Variants in PAWR observed in about 807,000 individuals in gnomAD.
PAWR encodes the protein PRKC apoptosis WT1 regulator protein.
Under a neutral mutation model 32.0 loss-of-function variants are expected in PAWR, and 23 were observed. The ratio of observed to expected loss-of-function variants is 0.72; its 90% CI spans 0.52 to 1.02. PAWR has a LOEUF of 1.02. Ranked by LOEUF, PAWR falls within the 50% of genes least tolerant of loss-of-function variation. The pLI is 0.00. For missense variants in PAWR, 457 were observed against 437.7 expected (o/e 1.04, Z -0.39); for synonymous variants, 226 against 187.1 (o/e 1.21, Z -1.70).
At chr12:79,630,172 T>C (rs773653908) in intron 2 of PAWR, among the ~76,000 whole-genome samples, 49 of 151,550 alleles carry the variant, frequency 3.2e-4, no homozygotes, top group Non-Finnish European at 3.4e-4. Context: ...TTAGAAGTAA[T>C]AGATAAAATT....
In PAWR at chr12:79,590,774, G is replaced by C. The variant is rs558923016; in HGVS notation, c.*1833C>G. On this transcript the variant is annotated 3_prime_UTR_variant, in exon 7 of 7. Transcript: ENST00000328827. ...GCCTGGCATACCACCCTGTCATGTG[G>C]GCAGATCACTGTTCCCATGCTGGGT... The C allele has an allele frequency of 8.5e-5, 13 of 152,284 alleles. 1 individual carries two copies. In the South Asian group the frequency reaches 2.3e-3, roughly 27 times the overall value. 9.4% of individuals were successfully genotyped at this position (152,284 alleles called of 1,614,324 possible). A position where few individuals can be genotyped will look rare whatever the true frequency, so the allele number is the denominator to read the frequency against.
At chr12:79,669,961 A>C (rs1452610940) in intron 2 of PAWR, among the ~76,000 whole-genome samples, 1 of 152,136 alleles carries the variant, frequency 6.6e-6, no homozygotes, top group African/African-American at 2.4e-5. Context: ...TCCACCTCCC[A>C]AAGTACTGGA....
In PAWR at chr12:79,586,002, C is replaced by T. The variant is rs1873375494; in HGVS notation, c.*6605G>A. On this transcript the variant is annotated 3_prime_UTR_variant, in exon 7 of 7. Transcript: ENST00000328827. ...ACAAGAAACAAGATGCACTTTTAGGCCTCCTATAATCCTGCATTTCCAAAG... is the reference window on the plus strand; with the variant it reads ...ACAAGAAACAAGATGCACTTTTAGGTCTCCTATAATCCTGCATTTCCAAAG... The T allele has an allele frequency of 6.6e-6, 1 of 152,168 alleles. No homozygotes were observed. Among genetic ancestry groups the T allele is most frequent in the African/African-American group, 2.4e-5 (1 of 41,448 alleles). The allele number at this position is 152,168 out of a possible 1,614,324, so 9.4% of individuals were successfully genotyped here. A position where few individuals can be genotyped will look rare whatever the true frequency, so the allele number is the denominator to read the frequency against.
chr12:79,609,298 G>A (rs545856858), intron 4 of PAWR, among the ~76,000 whole-genome samples: 1 of 152,152 alleles, frequency 6.6e-6, no homozygotes, highest in Non-Finnish European at 1.5e-5. Context: ...CAGCTTGTGG[G>A]TTAATACGAA....
At chr12:79,673,128 G>T (rs1254745302) in intron 2 of PAWR, among the ~76,000 whole-genome samples, 1 of 152,028 alleles carries the variant, frequency 6.6e-6, no homozygotes, top group Non-Finnish European at 1.5e-5. Context: ...GGAGTGCAGT[G>T]GTGTGATCTT....
At chr12:79,660,279 T>C (rs1368043972) in intron 2 of PAWR, among the ~76,000 whole-genome samples, 2 of 152,180 alleles carry the variant, frequency 1.3e-5, no homozygotes, top group Non-Finnish European at 2.9e-5. Flanking sequence ...GCAATCTTCA[T>C]AGTGGCACTG....
At chr12:79,680,023 A>G (rs575767697) in intron 2 of PAWR, among the ~76,000 whole-genome samples, 1 of 152,302 alleles carries the variant, frequency 6.6e-6, no homozygotes, top group East Asian at 1.9e-4. Context: ...CGTTTTACAT[A>G]TTTTAGACAG....
rs527236540 is a variant in PAWR, at chr12:79,588,711, C to T, written c.*3896G>A. 9 of 152,054 alleles carry T rather than the reference C, an allele frequency of 5.9e-5. No individual in the cohort carries two copies. The highest frequency in any genetic ancestry group is 3.4e-3 in the Middle Eastern group (1 of 294). 9.4% of individuals were successfully genotyped at this position (152,054 alleles called of 1,614,324 possible). A position where few individuals can be genotyped will look rare whatever the true frequency, so the allele number is the denominator to read the frequency against. The stretch of plus-strand genomic sequence containing the variant: ...ACACCTGTAATAGTATTTAATACAG[C>T]TCCCACATACTATATTCCTCTCACA... On this transcript the variant is annotated 3_prime_UTR_variant, in exon 7 of 7. Coordinates refer to ENST00000328827, the MANE Select transcript of PAWR (RefSeq NM_002583.4).
chr12:79,690,227 G>T lies in PAWR; in HGVS notation c.18C>A (p.Tyr6Ter). The change falls in exon 2 of 7, where the codon TAC becomes TAA. Residue 6 changes from tyrosine to a stop codon, truncating the protein, a stop_gained. Coordinates refer to ENST00000328827, the MANE Select transcript of PAWR (RefSeq NM_002583.4). LOFTEE classifies it high-confidence loss of function. MATGG[Y>*]RTSSGLGGST... is the part of the protein sequence containing the mutation. ...TGCCGCCGAGGCCGCTGCTGGTCCG[G>T]TAGCCACCGGTCGCCATATTCCCAA... 1 of 1,517,844 alleles carries T rather than the reference G, an allele frequency of 6.6e-7. No individual in the cohort carries two copies. 94.0% of individuals were successfully genotyped at this position (1,517,844 alleles called of 1,614,324 possible).
intron 2 of PAWR, among the ~76,000 whole-genome samples, chr12:79,648,336 C>G (rs992232674): frequency 6.6e-6 from 1 of 152,070 alleles, no homozygotes; most frequent in African/African-American, 2.4e-5. Flanking sequence ...CTTATCCTAG[C>G]TGAAGACTTA....
intron 2 of PAWR, among the ~76,000 whole-genome samples, chr12:79,644,719 C>A (rs1382388726): frequency 1.3e-5 from 2 of 151,996 alleles, no homozygotes; most frequent in East Asian, 3.8e-4. Flanking sequence ...AAAGAAAATA[C>A]AACTTTACCT....
At chr12:79,593,392 CT>C (rs939609113) in intron 6 of PAWR, among the ~76,000 whole-genome samples, 1 of 152,074 alleles carries the variant, frequency 6.6e-6, no homozygotes, top group Non-Finnish European at 1.5e-5. Context: ...TGATCCAGCT[CT>C]TTTTTCCCTG....
chr12:79,604,265 G>C, intron 4 of PAWR: 1 of 987,190 alleles, frequency 1.0e-6, no homozygotes, highest in Non-Finnish European at 1.2e-6. Flanking sequence ...TAGCTACAAA[G>C]ACATGAACTA....
At chr12:79,636,607 C>T (rs1032925868) in intron 2 of PAWR, among the ~76,000 whole-genome samples, 2 of 152,030 alleles carry the variant, frequency 1.3e-5, no homozygotes, top group African/African-American at 2.4e-5. Context: ...CTATCTAGTT[C>T]TTGAAAGAAT....
intron 5 of PAWR, among the ~76,000 whole-genome samples, chr12:79,596,160 A>C (rs764402599): frequency 5.4e-4 from 83 of 152,314 alleles, no homozygotes; most frequent in Admixed American, 8.5e-4. Context: ...TTATGCCAAG[A>C]GTCATCTGAC....
rs183598858 is a variant in PAWR at position 79,655,477 on chromosome 12, A to G, written c.516+34252T>C. ...TTCCCTAGGCACTAGTTTTACCAAA[A>G]TATCAGTGCCCAGGACCTACCTACA... On this transcript the variant is annotated intron_variant, in intron 2 of 6. Coordinates refer to ENST00000328827, the MANE Select transcript of PAWR (RefSeq NM_002583.4). 3.6e-3 allele frequency among the ~76,000 whole-genome samples: 545 copies of G among 152,288 alleles called. 6 individuals are homozygous for G. The highest frequency in any genetic ancestry group is 0.012 in the African/African-American group (487 of 41,552).
chr12:79,660,549 T>A (rs1388770753), intron 2 of PAWR, among the ~76,000 whole-genome samples: 1 of 151,834 alleles, frequency 6.6e-6, no homozygotes, highest in Admixed American at 6.6e-5. Flanking sequence ...ACGTGATATA[T>A]CTAGCAAGAT....
At chr12:79,684,886 G>T (rs922986998) in intron 2 of PAWR, among the ~76,000 whole-genome samples, 8 of 152,098 alleles carry the variant, frequency 5.3e-5, no homozygotes, top group Non-Finnish European at 1.2e-4. Flanking sequence ...TAGTAAGATG[G>T]TTTATTACGC....
chr12:79,614,649 A>C (rs1166384694), intron 3 of PAWR, among the ~76,000 whole-genome samples: 1 of 152,212 alleles, frequency 6.6e-6, no homozygotes, highest in East Asian at 1.9e-4. Flanking sequence ...GATGTCTTTA[A>C]AAATTGATAA....
Sources: gnomAD v4.1 joint callset for allele counts (sites outside exome capture counted in the v4.1 genomes callset) on GRCh38, gnomAD v4.1.1 for gene constraint, MANE v1.5 for transcripts, NCBI Gene and HGNC (gene_info 2026-07-23, HGNC 2026-07-21) for gene names.